The following CCDC141 variants were observed in gnomAD, a reference collection of about 807,000 sequenced individuals.
CCDC141 encodes coiled-coil domain-containing protein 141.
A neutral mutation model predicts 181.0 loss-of-function variants in CCDC141; 168 were observed. The observed-to-expected ratio is 0.93, with a 90% confidence interval of 0.82 to 1.05. The LOEUF (loss-of-function observed/expected upper bound fraction) is 1.05, where lower values mean the gene tolerates loss of function less well. CCDC141 is among the 50% of genes least tolerant of loss of function. The pLI is 0.00. For missense variants in CCDC141, 1,902 were observed against 1,788.5 expected (o/e 1.06, Z -1.14); for synonymous variants, 666 against 642.3 (o/e 1.04, Z -0.56).
chr2:178,829,852 T>C lies in CCDC141; in HGVS notation c.*4321A>G, dbSNP rs1684187771. The C allele has an allele frequency of 6.6e-6, 1 of 152,212 alleles. No individual in the cohort carries two copies. Among genetic ancestry groups the C allele is most frequent in the African/African-American group, 2.4e-5 (1 of 41,466 alleles). 9.4% of individuals were successfully genotyped at this position (152,212 alleles called of 1,614,324 possible). A position where few individuals can be genotyped will look rare whatever the true frequency, so the allele number is the denominator to read the frequency against. ...CAACAGGAGTTTCAAAAGCTTCAGA[T>C]GGTGATTTTTAGTAAGAAATGGTCA... is the stretch of plus-strand genomic sequence containing the variant. On this transcript the variant is annotated 3_prime_UTR_variant, in exon 24 of 24. Transcript: ENST00000443758.
Position 178,985,592 on chromosome 2 carries a change from AG to A in CCDC141, c.226-6918del, listed in dbSNP as rs369105646. Among the ~76,000 whole-genome samples, 122 of 152,184 alleles carry A rather than the reference AG, an allele frequency of 8.0e-4. No individual in the cohort carries two copies. In the East Asian group the frequency reaches 0.022, roughly 27 times the overall value. Reference sequence around the variant, plus strand: ...TAGCAAGACTAATAAAGAAAAAAACAGAGAAGAATCAAATAGATGCAATAAA... The same window carrying A: ...TAGCAAGACTAATAAAGAAAAAAACAAGAAGAATCAAATAGATGCAATAAA... On this transcript the variant is annotated intron_variant, in intron 2 of 23. Transcript: ENST00000443758.
rs576344382 is a variant in CCDC141 at position 178,878,273 on chromosome 2, T to G, written c.1720-130A>C. The stretch of plus-strand genomic sequence containing the variant: ...CTGAATTTTTAATTTGTAAACATAT[T>G]TATTTATTTATTTATTTATTTATTT... On this transcript the variant is annotated intron_variant, in intron 11 of 23. Coordinates refer to ENST00000443758, the MANE Select transcript of CCDC141 (RefSeq NM_173648.4). The G allele has an allele frequency of 2.4e-3, 445 of 183,382 alleles. 38 individuals are homozygous for G. Among genetic ancestry groups the G allele is most frequent in the South Asian group, 0.011 (42 of 3,746 alleles). The allele number at this position is 183,382 out of a possible 1,614,324, so 11.4% of individuals were successfully genotyped here. A position where few individuals can be genotyped will look rare whatever the true frequency, so the allele number is the denominator to read the frequency against.
At chr2:178,935,955 CTT>C (rs1022122347) in intron 6 of CCDC141, among the ~76,000 whole-genome samples, 2 of 151,640 alleles carry the variant, frequency 1.3e-5, no homozygotes, top group African/African-American at 4.8e-5. Flanking sequence ...TTGTTTTTCT[CTT>C]GTACATTTGT....
chr2:179,032,963 C>T (rs1158890585), intron 2 of CCDC141, among the ~76,000 whole-genome samples: 3 of 148,844 alleles, frequency 2.0e-5, no homozygotes, highest in Non-Finnish European at 3.0e-5. Context: ...TAGTGTTTTA[C>T]ACATTTATAC....
At chr2:178,958,061 CCTAA>C (rs1427101003) in intron 5 of CCDC141, among the ~76,000 whole-genome samples, 1 of 152,142 alleles carries the variant, frequency 6.6e-6, no homozygotes, top group Non-Finnish European at 1.5e-5. Flanking sequence ...CCTGTATGAT[CCTAA>C]CTATGACATT....
intron 6 of CCDC141, among the ~76,000 whole-genome samples, chr2:178,923,892 GA>G (rs1003360385): frequency 3.3e-5 from 5 of 152,114 alleles, no homozygotes; most frequent in African/African-American, 1.2e-4. Flanking sequence ...ACAAGAAGGC[GA>G]AAAAGATTTC....
At chr2:179,006,697 C>T (rs2042132634) in intron 2 of CCDC141, among the ~76,000 whole-genome samples, 1 of 152,104 alleles carries the variant, frequency 6.6e-6, no homozygotes, top group African/African-American at 2.4e-5. Flanking sequence ...CATATAATAT[C>T]TAAGACGTTA....
intron 2 of CCDC141, among the ~76,000 whole-genome samples, chr2:178,996,931 G>T (rs542760719): frequency 1.6e-4 from 24 of 152,310 alleles, no homozygotes; most frequent in South Asian, 4.2e-4. Context: ...CAGAGGCCAG[G>T]TATGGCCCAA....
chr2:179,029,382 T>C (rs1286355215), intron 2 of CCDC141, among the ~76,000 whole-genome samples: 1 of 152,206 alleles, frequency 6.6e-6, no homozygotes, highest in African/African-American at 2.4e-5. Context: ...CTGAATTTGT[T>C]TAATCATCTG....
At chr2:179,015,466 TCA>T (rs1381217219) in intron 2 of CCDC141, among the ~76,000 whole-genome samples, 15 of 115,042 alleles carry the variant, frequency 1.3e-4, no homozygotes, top group Non-Finnish European at 2.4e-4. Context: ...CATATATATC[TCA>T]TATATGTGCC....
intron 2 of CCDC141, among the ~76,000 whole-genome samples, chr2:179,028,274 A>T (rs2042910682): frequency 6.6e-6 from 1 of 152,158 alleles, no homozygotes; most frequent in South Asian, 2.1e-4. Flanking sequence ...GGAAATTCAG[A>T]TTCATAGCAA....
At chr2:178,878,795 T>C (rs955643132) in intron 11 of CCDC141, among the ~76,000 whole-genome samples, 1 of 152,210 alleles carries the variant, frequency 6.6e-6, no homozygotes, top group Non-Finnish European at 1.5e-5. Flanking sequence ...TGTATGTTTT[T>C]CAATTTGGGA....
chr2:179,013,880 C>A (rs566281217), intron 2 of CCDC141, among the ~76,000 whole-genome samples: 103 of 138,924 alleles, frequency 7.4e-4, no homozygotes, highest in African/African-American at 2.6e-3. Context: ...ATGGCGTGAA[C>A]CTGGGAGGTG....
At chr2:178,941,915 C>A (rs1394887293) in intron 6 of CCDC141, among the ~76,000 whole-genome samples, 1 of 120,748 alleles carries the variant, frequency 8.3e-6, no homozygotes, top group Middle Eastern at 5.2e-3. Flanking sequence ...AGTATGATTG[C>A]ACCACTGTGC....
rs1691222777 is a variant in CCDC141, at chr2:178,978,516, A to G, written c.385T>C (p.Leu129=). 6.6e-7 allele frequency: 1 copy of G among 1,524,398 alleles called. No homozygotes were observed. The highest frequency in any genetic ancestry group is 2.2e-5 in the Admixed American group (1 of 44,752). The allele number at this position is 1,524,398 out of a possible 1,614,324, so 94.4% of individuals were successfully genotyped here. A position where few individuals can be genotyped will look rare whatever the true frequency, so the allele number is the denominator to read the frequency against. ...MLERRTELLR[L]TSEFFENALE... ...GCATTTTCAAAAAATTCAGAAGTCA[A>G]CCTAAGGAGCTCTGTTCTTCTTTCA... The change falls in exon 3 of 24, where the codon TTG becomes CTG. Residue 129 remains leucine (L), a synonymous_variant. Transcript: ENST00000443758.
chr2:179,035,994 G>A (rs557650730), intron 2 of CCDC141, among the ~76,000 whole-genome samples: 8 of 152,292 alleles, frequency 5.3e-5, no homozygotes, highest in South Asian at 4.2e-4. Context: ...GCCAGGTTCT[G>A]TTCCTTGCAG....
At chr2:178,926,429 T>A (rs941146419) in intron 6 of CCDC141, 1 of 152,212 alleles carries the variant, frequency 6.6e-6, no homozygotes, top group Non-Finnish European at 1.5e-5. Context: ...AATTTAACTT[T>A]AGTTTTACAA....
Position 178,921,781 on chromosome 2 carries a change from C to T in CCDC141, c.898-2874G>A, listed in dbSNP as rs562655010. On this transcript the variant is annotated intron_variant, in intron 6 of 23. Transcript: ENST00000443758. ...AATCACCAACTGGGTTCACCAGCTC[C>T]CACAAGTCTTTCTGTTTCGTTCTTT... Among the ~76,000 whole-genome samples the T allele has an allele frequency of 2.6e-5, 4 of 152,308 alleles. No individual in the cohort carries two copies. The East Asian group carries it at 5.8e-4, about 22-fold the overall frequency.
chr2:178,886,640 A>G, intron 10 of CCDC141, 112 bp downstream of exon 10: 1 of 661,086 alleles, frequency 1.5e-6, no homozygotes. Flanking sequence ...GCTACATATG[A>G]ATTTAGAATT....
Sources: allele counts gnomAD v4.1 joint callset (sites outside exome capture counted in the v4.1 genomes callset), GRCh38; gene constraint gnomAD v4.1.1; transcripts MANE v1.5; gene names NCBI Gene and HGNC (gene_info 2026-07-23, HGNC 2026-07-21).